The following SEMA5A variants were observed in gnomAD, a reference collection of about 807,000 sequenced individuals.
SEMA5A encodes the protein semaphorin 5A, also known as semaphorin-5A.
In SEMA5A, 55 loss-of-function variants were observed where a neutral mutation model predicts 135.5. That is an observed-to-expected ratio of 0.41 (90% CI 0.33 to 0.51). The LOEUF is 0.51. SEMA5A is among the 20% of genes least tolerant of loss of function. The probability of loss-of-function intolerance (pLI) is 0.37; values close to 1 mark genes in which losing one functional copy is unlikely to be tolerated. For missense variants in SEMA5A, 1,290 were observed against 1,419.9 expected, an observed-to-expected ratio of 0.91 and a Z score of 1.47; for synonymous variants, 580 against 546.5, an observed-to-expected ratio of 1.06 and a Z score of -0.85.
At chr5:9,361,080 C>A (rs531563804) in intron 3 of SEMA5A, among the ~76,000 whole-genome samples, 1 of 152,184 alleles carries the variant, frequency 6.6e-6, no homozygotes, top group Non-Finnish European at 1.5e-5. Context: ...AGGCAGACCA[C>A]CTGAGGTCAA....
At chr5:9,490,998 G>A (rs1314121378) in intron 1 of SEMA5A, among the ~76,000 whole-genome samples, 2 of 152,114 alleles carry the variant, frequency 1.3e-5, no homozygotes, top group Non-Finnish European at 2.9e-5. Flanking sequence ...TGGCTCTTAT[G>A]CCACAGAGTT....
chr5:9,489,302 T>C (rs889352582), intron 1 of SEMA5A, among the ~76,000 whole-genome samples: 3 of 152,088 alleles, frequency 2.0e-5, no homozygotes, highest in African/African-American at 7.2e-5. Context: ...AAATGGCAGG[T>C]GCGGTGTTAG....
chr5:9,159,364 C>CT (rs1184937527), intron 11 of SEMA5A, among the ~76,000 whole-genome samples: 2 of 152,104 alleles, frequency 1.3e-5, no homozygotes, highest in African/African-American at 4.8e-5. Flanking sequence ...TTGCATTGTC[C>CT]TTTTTTTCTA....
Position 9,286,047 on chromosome 5 carries a change from CT to C in SEMA5A, c.270+32324del, listed in dbSNP as rs200331839. ...GTACAACTATAATATATCCATAAAACTTTTTTTTAAAAGGATGCTTCCTGAA... is the reference window on the plus strand; with the variant it reads ...GTACAACTATAATATATCCATAAAACTTTTTTTAAAAGGATGCTTCCTGAA... On this transcript the variant is annotated intron_variant, in intron 5 of 22. Transcript: ENST00000382496. Among the ~76,000 whole-genome samples the C allele has an allele frequency of 9.3e-3, 1,421 of 152,064 alleles. 18 individuals are homozygous for C. Among genetic ancestry groups the C allele is most frequent in the African/African-American group, 0.028 (1,174 of 41,500 alleles).
chr5:9,048,415 G>GA (rs1163983965), intron 21 of SEMA5A, among the ~76,000 whole-genome samples: 8 of 152,114 alleles, frequency 5.3e-5, no homozygotes. Context: ...CAAAATCTCT[G>GA]AAAAGTAATG....
intron 18 of SEMA5A, 129 bp from the exon 19 acceptor site, chr5:9,054,386 G>A: frequency 8.5e-7 from 1 of 1,179,446 alleles, no homozygotes; most frequent in South Asian, 1.6e-5. Context: ...CTCCAGAAAG[G>A]CTTCAGTGCA....
intron 3 of SEMA5A, among the ~76,000 whole-genome samples, chr5:9,358,478 G>A (rs1754550125): frequency 6.6e-6 from 1 of 152,182 alleles, no homozygotes; most frequent in South Asian, 2.1e-4. Flanking sequence ...TCTTCCCTGT[G>A]CACACAGTGT....
intron 16 of SEMA5A, among the ~76,000 whole-genome samples, chr5:9,075,807 T>C (rs1467171665): frequency 1.3e-5 from 2 of 152,192 alleles, no homozygotes; most frequent in African/African-American, 4.8e-5. Context: ...ATTTTAAACA[T>C]GTAGTGCATT....
chr5:9,503,217 C>G (rs1735685457), intron 1 of SEMA5A, among the ~76,000 whole-genome samples: 3 of 152,240 alleles, frequency 2.0e-5, no homozygotes, highest in African/African-American at 7.2e-5. Context: ...AAGAGGGGCA[C>G]TTCTTCACCC....
chr5:9,518,162 T>G (rs952320912), intron 1 of SEMA5A: 2 of 152,128 alleles, frequency 1.3e-5, no homozygotes, highest in African/African-American at 2.4e-5. Flanking sequence ...ATAATGTGAG[T>G]GCTTTGCTCA....
In SEMA5A at chr5:9,237,942, G is replaced by T. The variant is rs1348350067; in HGVS notation, c.271-52C>A. ...GTCATGGTTTTGACTAAATAAAAGG[G>T]AAAATATAAACAAGGTAACAAGGCA... On this transcript the variant is annotated intron_variant, in intron 5 of 22. Coordinates refer to ENST00000382496, the MANE Select transcript of SEMA5A (RefSeq NM_003966.3). 7 of 1,556,182 alleles carry T rather than the reference G, an allele frequency of 4.5e-6. No homozygotes were observed. The Admixed American group carries it at 5.1e-5, about 11-fold the overall frequency.
chr5:9,216,039 T>C (rs1386947829), intron 8 of SEMA5A, among the ~76,000 whole-genome samples: 2 of 152,098 alleles, frequency 1.3e-5, no homozygotes, highest in Non-Finnish European at 2.9e-5. Context: ...AGCTTTGGGG[T>C]TGATTTGTTC....
At chr5:9,176,873 A>T (rs1039361107) in intron 11 of SEMA5A, among the ~76,000 whole-genome samples, 2 of 152,212 alleles carry the variant, frequency 1.3e-5, no homozygotes, top group Non-Finnish European at 2.9e-5. Flanking sequence ...CAGGAATGTG[A>T]GTTAAAGAAT....
At chr5:9,066,316 TA>T (rs1217350327) in intron 17 of SEMA5A, 104 bp downstream of exon 17, 7 of 1,081,528 alleles carry the variant, frequency 6.5e-6, no homozygotes, top group Non-Finnish European at 9.9e-6. Context: ...TGCTAAGCCA[TA>T]AATAACCAAA....
At chr5:9,158,806 G>C (rs575708263) in intron 11 of SEMA5A, among the ~76,000 whole-genome samples, 6 of 152,216 alleles carry the variant, frequency 3.9e-5, no homozygotes, top group African/African-American at 1.2e-4. Flanking sequence ...GTGTTGATAT[G>C]GTTATTATTC....
intron 2 of SEMA5A, among the ~76,000 whole-genome samples, chr5:9,430,018 C>T (rs890490178): frequency 6.6e-6 from 1 of 152,100 alleles, no homozygotes; most frequent in African/African-American, 2.4e-5. Flanking sequence ...TCACGGGGAC[C>T]AAGTTGCTGG....
chr5:9,114,971 T>G (rs1432653608), intron 15 of SEMA5A, among the ~76,000 whole-genome samples: 1 of 152,144 alleles, frequency 6.6e-6, no homozygotes, highest in Non-Finnish European at 1.5e-5. Flanking sequence ...TCACAGATCC[T>G]CTCAACTGCA....
At position 9,545,697 on chromosome 5, in the gene SEMA5A, T is replaced by G. The variant is rs1192262746; in HGVS notation, c.-288A>C. On this transcript the variant is annotated 5_prime_UTR_variant, in exon 1 of 23. Transcript: ENST00000382496. This position sits in a 1 kb window ranked among gnomAD's most constrained non-coding sequence, Gnocchi z 4.5. The stretch of plus-strand genomic sequence containing the variant: ...GGAGGCAGCAGCTGCAGCCGCCCCC[T>G]GCCACTTCCCCAGAGCCGCCCCCTA... 6.6e-6 allele frequency: 1 copy of G among 152,246 alleles called. No homozygotes were observed. The allele number at this position is 152,246 out of a possible 1,614,324, so 9.4% of individuals were successfully genotyped here.
intron 11 of SEMA5A, among the ~76,000 whole-genome samples, chr5:9,187,887 G>T (rs548578673): frequency 6.6e-6 from 1 of 152,232 alleles, no homozygotes; most frequent in Non-Finnish European, 1.5e-5. Context: ...CGGTGTGGGG[G>T]TGAGGGTGTT....
Sources: allele counts gnomAD v4.1 joint callset (sites outside exome capture counted in the v4.1 genomes callset), GRCh38; gene constraint gnomAD v4.1.1; non-coding constraint Gnocchi (gnomAD v3.1); transcripts MANE v1.5; gene names NCBI Gene and HGNC (gene_info 2026-07-23, HGNC 2026-07-21).